The following ZNF578 variants were observed in gnomAD, a reference collection of about 807,000 sequenced individuals.
The protein encoded by ZNF578 is zinc finger protein 578, also known as Putative chemokine-related protein B42.
ZNF578 carries 8 observed loss-of-function variants against 8.3 expected under a neutral mutation model. The ratio of observed to expected loss-of-function variants is 0.96; its 90% CI spans 0.56 to 1.74. The LOEUF (loss-of-function observed/expected upper bound fraction) is 1.74, where lower values mean the gene tolerates loss of function less well. Among genes scored for constraint, ZNF578 ranks in the 40% most tolerant of loss-of-function variants. The pLI is 0.00. For missense variants in ZNF578, 726 were observed against 707.5 expected (o/e 1.03, Z -0.30); for synonymous variants, 206 against 232.2 (o/e 0.89, Z 1.03).
intron 2 of ZNF578, among the ~76,000 whole-genome samples, chr19:52,476,312 C>A (rs1448953170): frequency 6.6e-6 from 1 of 152,112 alleles, no homozygotes; most frequent in Non-Finnish European, 1.5e-5. Flanking sequence ...ACTATATGTC[C>A]TGCATCCAAT....
At chr19:52,501,372 T>C (rs2059406624) in intron 3 of ZNF578, among the ~76,000 whole-genome samples, 1 of 152,216 alleles carries the variant, frequency 6.6e-6, no homozygotes, top group Non-Finnish European at 1.5e-5. Flanking sequence ...CAGGGATTCT[T>C]ATTCTGACGG....
At position 52,491,755 on chromosome 19, in the gene ZNF578, A is replaced by T. The variant is rs375566678; in HGVS notation, c.-20+330A>T. Among the ~76,000 whole-genome samples, 40 of 152,284 alleles carry T rather than the reference A, an allele frequency of 2.6e-4. No homozygotes were observed. The East Asian group carries it at 6.7e-3, about 26-fold the overall frequency. Reference sequence around the variant, plus strand: ...AAAAAGTAAAAAAAGAAAAAGTAATAGATCTCTTTAACAAACGTACTGGGA... The same window carrying T: ...AAAAAGTAAAAAAAGAAAAAGTAATTGATCTCTTTAACAAACGTACTGGGA... On this transcript the variant is annotated intron_variant, in intron 3 of 5. Transcript: ENST00000421239.
rs187592643 is a variant in ZNF578 at position 52,475,765 on chromosome 19, A to G, written c.-121-15559A>G. Among the ~76,000 whole-genome samples, 189 of 152,314 alleles carry G rather than the reference A, an allele frequency of 1.2e-3. 2 individuals are homozygous for G. The highest frequency in any genetic ancestry group is 0.01 in the Admixed American group (158 of 15,292). On this transcript the variant is annotated intron_variant, in intron 2 of 5. Coordinates refer to ENST00000421239, the MANE Select transcript of ZNF578 (RefSeq NM_001099694.2). ...AGGCTGTACACTTCTTTCAGTAACAATAGTGCCTGCGTAATGGTATGGGGA... is the reference window on the plus strand; with the variant it reads ...AGGCTGTACACTTCTTTCAGTAACAGTAGTGCCTGCGTAATGGTATGGGGA...
intron 1 of ZNF578, chr19:52,455,135 C>G (rs920000666): frequency 6.6e-6 from 1 of 151,630 alleles, no homozygotes; most frequent in Non-Finnish European, 1.5e-5. Flanking sequence ...GTGGGAATGA[C>G]CCACAGCTTA....
intron 3 of ZNF578, among the ~76,000 whole-genome samples, chr19:52,493,372 C>G (rs1399391782): frequency 6.6e-6 from 1 of 152,322 alleles, no homozygotes; most frequent in South Asian, 2.1e-4. Flanking sequence ...ACCGCTTCCC[C>G]TGAACCAGCA....
At chr19:52,508,447 A>G (rs1001354973) in intron 5 of ZNF578, among the ~76,000 whole-genome samples, 1 of 152,010 alleles carries the variant, frequency 6.6e-6, no homozygotes, top group Non-Finnish European at 1.5e-5. Flanking sequence ...CCCATGACCA[A>G]ATTCTCTAAA....
intron 2 of ZNF578, among the ~76,000 whole-genome samples, chr19:52,490,837 A>G (rs567685421): frequency 1.3e-5 from 2 of 152,242 alleles, no homozygotes; most frequent in African/African-American, 4.8e-5. Context: ...TCTCTGTGCT[A>G]TGATTATTTG....
chr19:52,458,453 A>T (rs1335766161), intron 2 of ZNF578: 1 of 51,316 alleles, frequency 1.9e-5, no homozygotes, highest in Non-Finnish European at 3.7e-5. Context: ...AAAAAACAAC[A>T]ACTTGCTACT....
chr19:52,488,401 C>G (rs776898033), intron 2 of ZNF578, among the ~76,000 whole-genome samples: 1 of 151,796 alleles, frequency 6.6e-6, no homozygotes, highest in South Asian at 2.1e-4. Context: ...AAAAAAATAC[C>G]AAAATTTCCA....
rs2059463100 is a variant in ZNF578, at chr19:52,514,218, G to A, written c.*2064G>A. ...ATAATGACTTCTGAAAGATGCCTTT[G>A]CAGCATCCTGTAATCAGCTCACATC... On this transcript the variant is annotated 3_prime_UTR_variant, in exon 6 of 6. Transcript: ENST00000421239. Among the ~76,000 whole-genome samples, 1 of 151,974 alleles carries A rather than the reference G, an allele frequency of 6.6e-6. No individual in the cohort carries two copies. The highest frequency in any genetic ancestry group is 2.4e-5 in the African/African-American group (1 of 41,368).
chr19:52,505,167 G>T (rs374964142), intron 5 of ZNF578, among the ~76,000 whole-genome samples: 41 of 152,288 alleles, frequency 2.7e-4, no homozygotes, highest in African/African-American at 8.7e-4. Flanking sequence ...GATTACAGGC[G>T]TGAGCCACCA....
At chr19:52,469,845 T>C (rs372708132) in intron 2 of ZNF578, among the ~76,000 whole-genome samples, 1 of 152,156 alleles carries the variant, frequency 6.6e-6, no homozygotes, top group Non-Finnish European at 1.5e-5. Context: ...AAGGGTACCC[T>C]GGGTGCGACT....
intron 3 of ZNF578, among the ~76,000 whole-genome samples, chr19:52,500,589 G>A (rs2059403357): frequency 1.3e-5 from 2 of 152,038 alleles, no homozygotes; most frequent in East Asian, 3.9e-4. Context: ...CACCATGTTG[G>A]CTGGGACGGT....
chr19:52,491,210 G>C (rs1227799597), intron 2 of ZNF578, 114 bp from the exon 3 acceptor site: 2 of 151,876 alleles, frequency 1.3e-5, no homozygotes, highest in Non-Finnish European at 2.9e-5. Flanking sequence ...AAACTTTGAA[G>C]ATCATGTTTG....
chr19:52,500,060 G>A (rs1022663657), intron 3 of ZNF578, among the ~76,000 whole-genome samples: 1 of 152,246 alleles, frequency 6.6e-6, no homozygotes, highest in Admixed American at 6.5e-5. Context: ...TCAGCTGCAA[G>A]TGACAAGCAG....
chr19:52,488,778 C>T (rs1032513037), intron 2 of ZNF578, among the ~76,000 whole-genome samples: 2 of 149,696 alleles, frequency 1.3e-5, no homozygotes, highest in African/African-American at 4.9e-5. Flanking sequence ...ATTTAGACGC[C>T]GTCTGAAAAA....
At position 52,515,127 on chromosome 19, in the gene ZNF578, C is replaced by T. The variant is rs548207197; in HGVS notation, c.*2973C>T. ...TACAGGTGCCCTCCACCACTCCCGG[C>T]TCATTTTTTGCATTTTTAGTAGAGA... On this transcript the variant is annotated 3_prime_UTR_variant, in exon 6 of 6. Transcript: ENST00000421239. 6.2e-4 allele frequency among the ~76,000 whole-genome samples: 94 copies of T among 151,848 alleles called. No homozygotes were observed. Among genetic ancestry groups the T allele is most frequent in the African/African-American group, 2.3e-3 (94 of 41,366 alleles).
At chr19:52,504,547 AAC>A in intron 4 of ZNF578, 106 bp from the exon 5 acceptor site, 1 of 1,571,148 alleles carries the variant, frequency 6.4e-7, no homozygotes. Context: ...GTTTTGTCAC[AAC>A]ACAGTCTTTG....
At chr19:52,487,950 G>GC (rs59420928) in intron 2 of ZNF578, among the ~76,000 whole-genome samples, 4,433 of 144,054 alleles carry the variant, frequency 0.031, 94 homozygotes, top group Middle Eastern at 0.062. Context: ...GGCCTACATA[G>GC]CCCCCCCCCC....
Sources: allele counts gnomAD v4.1 joint callset (sites outside exome capture counted in the v4.1 genomes callset), GRCh38; gene constraint gnomAD v4.1.1; transcripts MANE v1.5; gene names NCBI Gene and HGNC (gene_info 2026-07-23, HGNC 2026-07-21).